COL23A1: variants seen among roughly 807,000 people sequenced by gnomAD.
COL23A1 encodes the protein collagen type XXIII alpha 1 chain.
In COL23A1, 97 loss-of-function variants were observed where a neutral mutation model predicts 99.3. The ratio of observed to expected loss-of-function variants is 0.98; its 90% CI spans 0.83 to 1.16. COL23A1 has a LOEUF of 1.16. Among genes scored for constraint, COL23A1 ranks in the 50% most tolerant of loss-of-function variants. COL23A1 has a pLI of 0.00. For missense variants in COL23A1, 762 were observed against 757.4 expected, an observed-to-expected ratio of 1.01 and a Z score of -0.07; for synonymous variants, 320 against 308.2, an observed-to-expected ratio of 1.04 and a Z score of -0.40.
chr5:178,556,124 T>C (rs1335275793), intron 2 of COL23A1, among the ~76,000 whole-genome samples: 1 of 152,064 alleles, frequency 6.6e-6, no homozygotes, highest in Non-Finnish European at 1.5e-5. Flanking sequence ...ACTGGCCAAG[T>C]GCATTACAGG....
At chr5:178,489,630 A>G (rs1208642692) in intron 2 of COL23A1, among the ~76,000 whole-genome samples, 1 of 152,148 alleles carries the variant, frequency 6.6e-6, no homozygotes, top group African/African-American at 2.4e-5. Context: ...CGGACTGTCA[A>G]AGATACCCAG....
intron 2 of COL23A1, among the ~76,000 whole-genome samples, chr5:178,449,108 C>A (rs1767338082): frequency 6.6e-6 from 1 of 152,128 alleles, no homozygotes. Context: ...GCAATCCTCT[C>A]ACCTCAGCTT....
At chr5:178,381,456 G>A (rs1241444905) in intron 2 of COL23A1, among the ~76,000 whole-genome samples, 2 of 152,232 alleles carry the variant, frequency 1.3e-5, no homozygotes, top group Non-Finnish European at 2.9e-5. Context: ...CAGCACCACC[G>A]GGAGAGAGGG....
intron 2 of COL23A1, among the ~76,000 whole-genome samples, chr5:178,359,009 T>G (rs1762033841): frequency 6.6e-6 from 1 of 152,320 alleles, no homozygotes; most frequent in South Asian, 2.1e-4. Context: ...AATAAAAGGC[T>G]TCTGATTTGC....
rs1336620558 is a variant in COL23A1 at position 178,240,335 on chromosome 5, TG to T, written c.1582-1157del. ...ACCAGGCTAGGCACCAAAGGGAAGGTGGGGAGGGGGGCAGAATGGAAAGGAA... is the reference window on the plus strand; with the variant it reads ...ACCAGGCTAGGCACCAAAGGGAAGGTGGGAGGGGGGCAGAATGGAAAGGAA... On this transcript the variant is annotated intron_variant, in intron 27 of 28. Coordinates refer to ENST00000390654, the MANE Select transcript of COL23A1 (RefSeq NM_173465.4). Among the ~76,000 whole-genome samples, 10 of 150,466 alleles carry T rather than the reference TG, an allele frequency of 6.6e-5. No homozygotes were observed. The East Asian group carries it at 2.0e-3, about 30-fold the overall frequency.
intron 2 of COL23A1, among the ~76,000 whole-genome samples, chr5:178,508,972 T>G (rs1218094864): frequency 1.3e-5 from 2 of 152,230 alleles, no homozygotes; most frequent in Non-Finnish European, 2.9e-5. Flanking sequence ...TTTCCAGGAC[T>G]GGAAGTTACT....
chr5:178,274,412 C>T (rs1001934367), intron 5 of COL23A1, among the ~76,000 whole-genome samples: 3 of 152,198 alleles, frequency 2.0e-5, no homozygotes, highest in African/African-American at 4.8e-5. Flanking sequence ...GGGTGGGGGG[C>T]GTGGTCAGGC....
chr5:178,584,793 G>C (rs993216689), intron 1 of COL23A1, among the ~76,000 whole-genome samples: 2 of 152,198 alleles, frequency 1.3e-5, no homozygotes, highest in African/African-American at 4.8e-5. Flanking sequence ...CAGGTGCACT[G>C]TATGTGGTCT....
At chr5:178,425,733 A>G (rs1413984434) in intron 2 of COL23A1, among the ~76,000 whole-genome samples, 1 of 152,214 alleles carries the variant, frequency 6.6e-6, no homozygotes, top group African/African-American at 2.4e-5. Context: ...AGCTTCAAAG[A>G]TGGCTGCAGT....
intron 5 of COL23A1, among the ~76,000 whole-genome samples, chr5:178,286,509 C>T (rs1757159617): frequency 6.6e-6 from 1 of 152,240 alleles, no homozygotes; most frequent in Admixed American, 6.5e-5. Context: ...TGTCATGGCC[C>T]CAGGGACAGC....
chr5:178,396,793 C>T (rs1764172779), intron 2 of COL23A1, among the ~76,000 whole-genome samples: 1 of 137,482 alleles, frequency 7.3e-6, no homozygotes, highest in East Asian at 2.2e-4. Context: ...GCATTCGGCT[C>T]TCAGCTCCAA....
intron 2 of COL23A1, among the ~76,000 whole-genome samples, chr5:178,363,599 G>A (rs921885809): frequency 6.6e-6 from 1 of 152,164 alleles, no homozygotes; most frequent in Non-Finnish European, 1.5e-5. Context: ...GCACCCATAT[G>A]AAGTCCAAAT....
chr5:178,358,142 GTGTA>G (rs1307243140), intron 2 of COL23A1, among the ~76,000 whole-genome samples: 5 of 149,668 alleles, frequency 3.3e-5, no homozygotes, highest in African/African-American at 5.0e-5. Flanking sequence ...TCTAATGTGT[GTGTA>G]TGTGTATGTG....
At chr5:178,375,549 G>T (rs1039167516) in intron 2 of COL23A1, among the ~76,000 whole-genome samples, 1 of 152,148 alleles carries the variant, frequency 6.6e-6, no homozygotes, top group Non-Finnish European at 1.5e-5. Flanking sequence ...GCGTGGTCCC[G>T]CCCTGCCCCT....
intron 5 of COL23A1, among the ~76,000 whole-genome samples, chr5:178,285,070 C>G (rs1426184554): frequency 6.6e-6 from 1 of 152,218 alleles, no homozygotes. Context: ...GACAGGCCAG[C>G]CTCTGTACAC....
At chr5:178,284,529 T>C (rs548717867) in intron 5 of COL23A1, among the ~76,000 whole-genome samples, 8 of 152,324 alleles carry the variant, frequency 5.3e-5, no homozygotes, top group African/African-American at 1.9e-4. Context: ...GCCTTACACA[T>C]GTGCAAACCC....
intron 4 of COL23A1, chr5:178,288,692 A>G: frequency 2.6e-6 from 1 of 391,646 alleles, no homozygotes; most frequent in Non-Finnish European, 4.9e-6. Flanking sequence ...CCAACCAGGA[A>G]CTGAAAATGC....
At chr5:178,247,102 C>T (rs542351806) in intron 22 of COL23A1, among the ~76,000 whole-genome samples, 54 of 149,254 alleles carry the variant, frequency 3.6e-4, no homozygotes, top group Non-Finnish European at 2.7e-4. Context: ...AACACGCCAT[C>T]ATGTAATATA....
chr5:178,379,736 C>A (rs538685121), intron 2 of COL23A1, among the ~76,000 whole-genome samples: 2 of 152,122 alleles, frequency 1.3e-5, no homozygotes, highest in Non-Finnish European at 2.9e-5. Flanking sequence ...ACAAAATGAG[C>A]TGGGCCTAGT....
Sources: gnomAD v4.1 joint callset for allele counts (sites outside exome capture counted in the v4.1 genomes callset) on GRCh38, gnomAD v4.1.1 for gene constraint, MANE v1.5 for transcripts, NCBI Gene and HGNC (gene_info 2026-07-23, HGNC 2026-07-21) for gene names.